The following CCSER1 variants were observed in gnomAD, a reference collection of about 807,000 sequenced individuals.
The protein encoded by CCSER1 is serine-rich coiled-coil domain-containing protein 1.
A neutral mutation model predicts 82.0 loss-of-function variants in CCSER1; 41 were observed. The ratio of observed to expected loss-of-function variants is 0.50; its 90% CI spans 0.39 to 0.65. CCSER1 has a LOEUF of 0.65. CCSER1 is among the 30% of genes least tolerant of loss of function. The pLI is 0.00. For synonymous variants in CCSER1, 414 were observed against 383.9 expected (o/e 1.08, Z -0.92); for missense variants, 1,119 against 1,064.2 (o/e 1.05, Z -0.72).
chr4:90,628,338 C>A (rs1579571753), intron 6 of CCSER1, 106 bp downstream of exon 6: 1 of 813,860 alleles, frequency 1.2e-6, no homozygotes. Context: ...TGACATTGGG[C>A]AGGGGTCAGG....
chr4:90,346,170 G>A (rs1742297424), intron 3 of CCSER1, among the ~76,000 whole-genome samples: 3 of 152,040 alleles, frequency 2.0e-5, no homozygotes, highest in African/African-American at 7.2e-5. Context: ...GGTTATAGAA[G>A]CTGTTACATA....
intron 10 of CCSER1, among the ~76,000 whole-genome samples, chr4:91,309,594 C>A (rs983430024): frequency 3.3e-5 from 5 of 151,892 alleles, no homozygotes; most frequent in African/African-American, 1.2e-4. Flanking sequence ...TGAATGTTTG[C>A]TTAAGACAGT....
chr4:91,163,007 C>G (rs562844380), intron 10 of CCSER1, among the ~76,000 whole-genome samples: 1 of 152,246 alleles, frequency 6.6e-6, no homozygotes, highest in East Asian at 1.9e-4. Context: ...CTCTCTACTT[C>G]TTTTTATTGT....
chr4:91,518,139 G>C (rs574230837), intron 10 of CCSER1, among the ~76,000 whole-genome samples: 14 of 152,162 alleles, frequency 9.2e-5, no homozygotes, highest in Non-Finnish European at 1.6e-4. Context: ...AGCAGCTCTG[G>C]GGTGATCTTA....
chr4:90,351,785 T>C (rs1264852151), intron 3 of CCSER1, among the ~76,000 whole-genome samples: 1 of 152,216 alleles, frequency 6.6e-6, no homozygotes, highest in Non-Finnish European at 1.5e-5. Flanking sequence ...TTTTGTCTAC[T>C]TTTTTGTCTA....
chr4:91,550,179 A>T (rs79556846), intron 10 of CCSER1, among the ~76,000 whole-genome samples: 10,617 of 152,252 alleles, frequency 0.07, 556 homozygotes, highest in South Asian at 0.16. Context: ...AATGCTCTGA[A>T]ATATTTCCAA....
chr4:90,512,314 A>G (rs1017879267), intron 5 of CCSER1, among the ~76,000 whole-genome samples: 2 of 152,046 alleles, frequency 1.3e-5, no homozygotes, highest in African/African-American at 4.8e-5. Flanking sequence ...AAGCAAAAAA[A>G]AAAAAGAAAA....
chr4:91,380,464 G>A (rs1750796006), intron 10 of CCSER1, among the ~76,000 whole-genome samples: 1 of 152,130 alleles, frequency 6.6e-6, no homozygotes, highest in Non-Finnish European at 1.5e-5. Context: ...AGGATAGTTA[G>A]CTCTACTTGT....
intron 6 of CCSER1, among the ~76,000 whole-genome samples, chr4:90,720,313 C>T (rs1044757469): frequency 6.6e-6 from 1 of 150,826 alleles, no homozygotes; most frequent in Admixed American, 6.6e-5. Flanking sequence ...AAAAAAAACA[C>T]AAGACCTAGG....
At chr4:91,387,133 T>A (rs1206812433) in intron 10 of CCSER1, among the ~76,000 whole-genome samples, 1 of 151,970 alleles carries the variant, frequency 6.6e-6, no homozygotes, top group Non-Finnish European at 1.5e-5. Flanking sequence ...ATAATGAAAC[T>A]GTGATTCTGC....
intron 10 of CCSER1, among the ~76,000 whole-genome samples, chr4:91,096,221 G>A (rs1724498199): frequency 6.6e-6 from 1 of 152,162 alleles, no homozygotes; most frequent in Non-Finnish European, 1.5e-5. Context: ...GGCCGCCAAG[G>A]GAGGAGTTTC....
chr4:90,361,157 C>T (rs994809886), intron 3 of CCSER1, among the ~76,000 whole-genome samples: 3 of 152,156 alleles, frequency 2.0e-5, no homozygotes, highest in Non-Finnish European at 4.4e-5. Flanking sequence ...ATGATAGGCA[C>T]TCTTTAAACA....
In CCSER1 at chr4:90,566,369, T is replaced by G. The variant is rs1054958727; in HGVS notation, c.1725-61656T>G. On this transcript the variant is annotated intron_variant, in intron 5 of 10. Transcript: ENST00000509176. ...TGGATGAGTTTAAGAAGAATTGGTA[T>G]TTAATTATTCTTTAAATGTTTAATA... 9.9e-5 allele frequency among the ~76,000 whole-genome samples: 15 copies of G among 152,122 alleles called. No individual in the cohort carries two copies. The East Asian group carries it at 2.9e-3, about 29-fold the overall frequency.
At chr4:91,102,549 C>G (rs1725180732) in intron 10 of CCSER1, among the ~76,000 whole-genome samples, 2 of 152,142 alleles carry the variant, frequency 1.3e-5, no homozygotes, top group African/African-American at 4.8e-5. Context: ...ACTTTTGAAT[C>G]AATATGCATT....
chr4:91,153,066 A>G (rs975080518), intron 10 of CCSER1, among the ~76,000 whole-genome samples: 1 of 151,816 alleles, frequency 6.6e-6, no homozygotes, highest in Non-Finnish European at 1.5e-5. Context: ...CTGCTTGCTA[A>G]TTTGGGGAAG....
intron 1 of CCSER1, among the ~76,000 whole-genome samples, chr4:90,270,090 C>A (rs753026888): frequency 2.0e-5 from 3 of 151,910 alleles, no homozygotes; most frequent in Non-Finnish European, 4.4e-5. Context: ...TTTTTCCAAA[C>A]CTTTAAAGAG....
intron 10 of CCSER1, among the ~76,000 whole-genome samples, chr4:91,310,864 G>C (rs1745422229): frequency 6.6e-6 from 1 of 151,450 alleles, no homozygotes; most frequent in Non-Finnish European, 1.5e-5. Flanking sequence ...TTTTTTTTTA[G>C]CTCATCAGGT....
chr4:90,211,715 A>G (rs1316681274), intron 1 of CCSER1, among the ~76,000 whole-genome samples: 1 of 152,226 alleles, frequency 6.6e-6, no homozygotes, highest in Non-Finnish European at 1.5e-5. Flanking sequence ...CAGTTAGTGA[A>G]TAATATTAGT....
chr4:90,690,647 A>G (rs1735649913), intron 6 of CCSER1, among the ~76,000 whole-genome samples: 1 of 152,062 alleles, frequency 6.6e-6, no homozygotes, highest in Non-Finnish European at 1.5e-5. Flanking sequence ...TACCCGGTCA[A>G]TGAGACCATA....
Sources: gnomAD v4.1 joint callset for allele counts (sites outside exome capture counted in the v4.1 genomes callset) on GRCh38, gnomAD v4.1.1 for gene constraint, MANE v1.5 for transcripts, NCBI Gene and HGNC (gene_info 2026-07-23, HGNC 2026-07-21) for gene names.